The following PTPN12 variants were observed in gnomAD, a reference collection of about 807,000 sequenced individuals.
PTPN12 encodes the protein protein tyrosine phosphatase non-receptor type 12.
Under a neutral mutation model 97.6 loss-of-function variants are expected in PTPN12, and 29 were observed. The observed-to-expected ratio is 0.30, with a 90% CI of 0.22 to 0.41. The LOEUF (loss-of-function observed/expected upper bound fraction) is 0.41. Ranked by LOEUF, PTPN12 falls within the 10% of genes least tolerant of loss-of-function variation. The pLI, the probability that PTPN12 is intolerant of heterozygous loss-of-function variation, is 1.00. For missense variants in PTPN12, 819 were observed against 926.0 expected (o/e 0.88, Z 1.50); for synonymous variants, 327 against 300.4 (o/e 1.09, Z -0.91).
chr7:77,549,989 A>G (rs777075510), intron 1 of PTPN12, among the ~76,000 whole-genome samples: 37 of 152,298 alleles, frequency 2.4e-4, no homozygotes, highest in Middle Eastern at 3.4e-3. Flanking sequence ...TAGGTTTTGC[A>G]TTGTTAAAAT....
intron 8 of PTPN12, chr7:77,604,780 A>G: frequency 4.0e-6 from 1 of 250,548 alleles, no homozygotes; most frequent in Non-Finnish European, 8.0e-6. Context: ...TAAATATCCA[A>G]TATGTTTATA....
chr7:77,593,388 T>A (rs1787928064), intron 6 of PTPN12, among the ~76,000 whole-genome samples: 2 of 152,120 alleles, frequency 1.3e-5, no homozygotes. Flanking sequence ...TTAAGGAGAT[T>A]TATTACGAGG....
intron 11 of PTPN12, among the ~76,000 whole-genome samples, chr7:77,617,931 T>TA (rs1788807087): frequency 6.6e-6 from 1 of 152,144 alleles, no homozygotes; most frequent in Admixed American, 6.5e-5. Context: ...TAGCCAGTGA[T>TA]ATAGGAGCTA....
intron 4 of PTPN12, among the ~76,000 whole-genome samples, chr7:77,584,796 G>A (rs1024709928): frequency 6.6e-6 from 1 of 151,450 alleles, no homozygotes. Context: ...AGAATGGCGT[G>A]AACCCGGGAG....
chr7:77,540,647 C>CT (rs77085606), intron 1 of PTPN12, among the ~76,000 whole-genome samples: 2,297 of 139,138 alleles, frequency 0.017, 26 homozygotes, highest in Non-Finnish European at 0.023. Context: ...TTTTATAGGG[C>CT]TTTTTTTTTT....
chr7:77,635,142 GAGCCA>G (rs1789543948), intron 14 of PTPN12, among the ~76,000 whole-genome samples: 1 of 152,196 alleles, frequency 6.6e-6, no homozygotes, highest in African/African-American at 2.4e-5. Flanking sequence ...AAATGTTAAA[GAGCCA>G]AGCACAATGG....
chr7:77,618,570 TG>T lies in PTPN12; in HGVS notation c.1025+6del. 1 of 1,583,190 alleles carries T rather than the reference TG, an allele frequency of 6.3e-7. No homozygotes were observed. The highest frequency in any genetic ancestry group is 8.7e-7 in the Non-Finnish European group (1 of 1,154,142). On this transcript the variant is annotated splice_donor_region_variant and intron_variant, in intron 12 of 17. Transcript: ENST00000248594. ...AAAACCACCAAGGACCCGCAGGTATTGTATGTCTTCGAACATTTTCTTTAAA... is the reference window on the plus strand; with the variant it reads ...AAAACCACCAAGGACCCGCAGGTATTTATGTCTTCGAACATTTTCTTTAAA...
intron 1 of PTPN12, among the ~76,000 whole-genome samples, chr7:77,566,138 G>A (rs28712495): frequency 0.18 from 27,941 of 152,178 alleles, 3,018 homozygotes; most frequent in African/African-American, 0.3. Flanking sequence ...CAAAAATTGT[G>A]CAACTTTGAT....
intron 11 of PTPN12, among the ~76,000 whole-genome samples, chr7:77,617,123 G>A (rs150892723): frequency 1.2e-3 from 189 of 152,208 alleles, no homozygotes; most frequent in African/African-American, 4.3e-3. Flanking sequence ...AAATTCTGGT[G>A]GTACCTGAGG....
chr7:77,561,167 C>T (rs1001309254), intron 1 of PTPN12, among the ~76,000 whole-genome samples: 2 of 152,124 alleles, frequency 1.3e-5, no homozygotes, highest in Non-Finnish European at 2.9e-5. Flanking sequence ...ACAAGCGATC[C>T]TCCTGCCTTG....
intron 1 of PTPN12, among the ~76,000 whole-genome samples, chr7:77,543,228 C>A (rs1807064909): frequency 6.6e-6 from 1 of 150,546 alleles, no homozygotes. Context: ...TGGGAAGAAG[C>A]TAGATTATAG....
chr7:77,611,285 T>A (rs1332250685), intron 11 of PTPN12, among the ~76,000 whole-genome samples: 3 of 152,220 alleles, frequency 2.0e-5, no homozygotes, highest in Non-Finnish European at 2.9e-5. Flanking sequence ...AGATCTCATG[T>A]CAAAAATCAT....
In PTPN12 at chr7:77,592,182, CAG is replaced by C; in HGVS notation, c.421-1_421del. 6.3e-7 allele frequency: 1 copy of C among 1,591,442 alleles called. No individual in the cohort carries two copies. On this transcript the variant is annotated splice_acceptor_variant, in intron 5 of 17. Transcript: ENST00000248594. LOFTEE classifies it high-confidence loss of function. Reference sequence around the variant, plus strand: ...CTTACTAATTTTTTTTTTTGGATGACAGAAAAAATGTGAGCGCTATTGGCCTT... The same window carrying C: ...CTTACTAATTTTTTTTTTTGGATGACAAAAAATGTGAGCGCTATTGGCCTT...
chr7:77,555,953 C>A (rs1807692162), intron 1 of PTPN12, among the ~76,000 whole-genome samples: 1 of 151,822 alleles, frequency 6.6e-6, no homozygotes, highest in African/African-American at 2.4e-5. Flanking sequence ...TTGGTTATTT[C>A]TTTGAATTTC....
chr7:77,605,400 T>G (rs1407604863), intron 8 of PTPN12, among the ~76,000 whole-genome samples: 1 of 144,090 alleles, frequency 6.9e-6, no homozygotes, highest in Non-Finnish European at 1.5e-5. Flanking sequence ...TAAAATACTT[T>G]TGTCATGAGT....
intron 5 of PTPN12, among the ~76,000 whole-genome samples, chr7:77,587,165 T>G (rs1187282560): frequency 6.6e-6 from 1 of 152,104 alleles, no homozygotes; most frequent in Non-Finnish European, 1.5e-5. Context: ...CAGTTCACTT[T>G]CCCTAGACCC....
chr7:77,619,984 G>A (rs1010893887), intron 12 of PTPN12, among the ~76,000 whole-genome samples: 5 of 152,178 alleles, frequency 3.3e-5, no homozygotes, highest in African/African-American at 1.2e-4. Context: ...TCTGTGGAAG[G>A]TAACCAGTTG....
intron 1 of PTPN12, among the ~76,000 whole-genome samples, chr7:77,556,940 T>C (rs1807743191): frequency 6.7e-6 from 1 of 150,374 alleles, no homozygotes; most frequent in African/African-American, 2.5e-5. Context: ...TTGGATTGGG[T>C]ACACCAGGAG....
chr7:77,585,851 A>C (rs1158544380), intron 5 of PTPN12, among the ~76,000 whole-genome samples: 1 of 152,122 alleles, frequency 6.6e-6, no homozygotes, highest in Non-Finnish European at 1.5e-5. Flanking sequence ...AATTCAAACA[A>C]ATTTTTTGTT....
Sources: gnomAD v4.1 joint callset for allele counts (sites outside exome capture counted in the v4.1 genomes callset) on GRCh38, gnomAD v4.1.1 for gene constraint, MANE v1.5 for transcripts, NCBI Gene and HGNC (gene_info 2026-07-23, HGNC 2026-07-21) for gene names.